Variants in LSM14A observed in about 807,000 individuals in gnomAD.
LSM14A encodes the protein LSM14A mRNA processing body assembly factor, also known as protein LSM14 homolog A.
In LSM14A, 14 loss-of-function variants were observed where a neutral mutation model predicts 52.4. That is an observed-to-expected ratio of 0.27 (90% confidence interval 0.18 to 0.42). The LOEUF is 0.42. LSM14A is among the 10% of genes least tolerant of loss of function. The pLI is 1.00. For missense variants in LSM14A, 417 were observed against 581.8 expected, an observed-to-expected ratio of 0.72 and a Z score of 2.91; for synonymous variants, 185 against 200.3, an observed-to-expected ratio of 0.92 and a Z score of 0.64.
intron 1 of LSM14A, among the ~76,000 whole-genome samples, chr19:34,173,572 C>T (rs1367528854): frequency 6.6e-6 from 1 of 152,182 alleles, no homozygotes; most frequent in Admixed American, 6.5e-5. Context: ...TGCCCCTACC[C>T]ACAGTGTTAA....
chr19:34,182,360 A>C (rs1306318583), intron 1 of LSM14A, among the ~76,000 whole-genome samples: 1 of 152,016 alleles, frequency 6.6e-6, no homozygotes, highest in East Asian at 1.9e-4. Flanking sequence ...TGTTCTTCTA[A>C]TATTCTGGGG....
chr19:34,225,099 T>C (rs1304874801), intron 9 of LSM14A, among the ~76,000 whole-genome samples: 2 of 152,242 alleles, frequency 1.3e-5, no homozygotes, highest in Admixed American at 6.5e-5. Context: ...CTCTTGGCTT[T>C]AGTGAATATG....
intron 3 of LSM14A, among the ~76,000 whole-genome samples, chr19:34,202,130 T>TG (rs1468599391): frequency 2.0e-5 from 3 of 151,500 alleles, no homozygotes; most frequent in Non-Finnish European, 4.4e-5. Context: ...TAGTAAGTTT[T>TG]TTTTTTTTTT....
intron 6 of LSM14A, among the ~76,000 whole-genome samples, chr19:34,216,293 G>T (rs938533623): frequency 6.6e-6 from 1 of 151,400 alleles, no homozygotes; most frequent in African/African-American, 2.4e-5. Context: ...GGCGCCTGTA[G>T]TCCCAGCTAC....
At chr19:34,198,998 A>C (rs2071087178) in intron 3 of LSM14A, among the ~76,000 whole-genome samples, 1 of 151,862 alleles carries the variant, frequency 6.6e-6, no homozygotes, top group Admixed American at 6.6e-5. Context: ...ATAAAACAAC[A>C]AAAAAAACCA....
intron 4 of LSM14A, among the ~76,000 whole-genome samples, chr19:34,210,186 A>G (rs986128234): frequency 5.3e-5 from 8 of 152,228 alleles, no homozygotes; most frequent in Admixed American, 1.3e-4. Flanking sequence ...TAAAAATTCA[A>G]TGCTAAACAT....
chr19:34,200,360 A>C (rs1276291090), intron 3 of LSM14A, among the ~76,000 whole-genome samples: 2 of 152,220 alleles, frequency 1.3e-5, no homozygotes, highest in Non-Finnish European at 2.9e-5. Context: ...AGTTGGTGTG[A>C]AGAACATTTT....
At chr19:34,213,460 C>G (rs912893872) in intron 4 of LSM14A, among the ~76,000 whole-genome samples, 1 of 152,168 alleles carries the variant, frequency 6.6e-6, no homozygotes, top group South Asian at 2.1e-4. Flanking sequence ...ATCCCTGAAT[C>G]ATCTAGGTAC....
chr19:34,176,464 T>G (rs2069095182), intron 1 of LSM14A, among the ~76,000 whole-genome samples: 1 of 152,202 alleles, frequency 6.6e-6, no homozygotes. Flanking sequence ...CCATCACAAC[T>G]ATCACCATCT....
intron 1 of LSM14A, among the ~76,000 whole-genome samples, chr19:34,192,316 G>GTGTTTTTTTTTTTT (rs2070442714): frequency 9.1e-5 from 6 of 65,818 alleles, no homozygotes; most frequent in African/African-American, 3.5e-4. Flanking sequence ...CATTCTTTTT[G>GTGTTTTTTTTTTTT]TTGTTTTTTT....
At chr19:34,218,852 A>C (rs1296606984) in intron 6 of LSM14A, among the ~76,000 whole-genome samples, 4 of 152,216 alleles carry the variant, frequency 2.6e-5, no homozygotes, top group African/African-American at 9.6e-5. Context: ...TTGAGTCAGT[A>C]AGGATTGGTG....
Position 34,215,283 on chromosome 19 carries a change from A to C in LSM14A, c.698A>C (p.Asn233Thr). The C allele has an allele frequency of 6.2e-7, 1 of 1,613,056 alleles. No homozygotes were observed. Among genetic ancestry groups the C allele is most frequent in the Non-Finnish European group, 8.5e-7 (1 of 1,179,670 alleles). ...LPSASQKAGE[N>T]QEHRRAEVHK... ...TCTGCCAGCCAAAAGGCAGGAGAGA[A>C]TCAGGAGCACAGGCGAGGTAGAACT... The change falls in exon 5 of 10, where the codon AAT (asparagine) becomes ACT (threonine). Residue 233 changes from asparagine to threonine, a missense_variant. By Grantham distance (65) the Asn-to-Thr change is moderately conservative (BLOSUM62 0). Around this residue, in one of 2 missense-constraint regions of LSM14A, gnomAD observed 357 missense variants for 457.0 expected, o/e 0.78. Transcript: ENST00000544216.
At chr19:34,193,017 C>T (rs973090234) in intron 1 of LSM14A, among the ~76,000 whole-genome samples, 4 of 152,058 alleles carry the variant, frequency 2.6e-5, no homozygotes, top group Admixed American at 1.3e-4. Context: ...AAGGGGTTTA[C>T]TTCCTTTAGG....
At position 34,227,643 on chromosome 19, in the gene LSM14A, T is replaced by C. The variant is rs780926735; in HGVS notation, c.*255T>C. ...AGAAGGTTAAGTAATTTCTTATGTA[T>C]AGTTAAACTAAAGCAGTACTTCAGT... On this transcript the variant is annotated 3_prime_UTR_variant, in exon 10 of 10. Transcript: ENST00000544216. 12 of 403,728 alleles carry C rather than the reference T, an allele frequency of 3.0e-5. No homozygotes were observed. The highest frequency in any genetic ancestry group is 5.2e-5 in the Non-Finnish European group (12 of 229,220). The allele number at this position is 403,728 out of a possible 1,614,324, so 25.0% of individuals were successfully genotyped here. A position where few individuals can be genotyped will look rare whatever the true frequency, so the allele number is the denominator to read the frequency against.
intron 4 of LSM14A, among the ~76,000 whole-genome samples, chr19:34,212,185 T>C (rs151214935): frequency 1.3e-5 from 2 of 152,142 alleles, no homozygotes; most frequent in African/African-American, 4.8e-5. Flanking sequence ...AAATTAAAAA[T>C]TAGTTGGGCG....
chr19:34,193,552 A>T (rs2070622355), intron 1 of LSM14A, among the ~76,000 whole-genome samples: 1 of 152,196 alleles, frequency 6.6e-6, no homozygotes, highest in Admixed American at 6.5e-5. Flanking sequence ...ACTGTGTTGC[A>T]GGTGGTCCCC....
intron 1 of LSM14A, among the ~76,000 whole-genome samples, chr19:34,176,893 T>C (rs867813362): frequency 6.6e-6 from 1 of 152,224 alleles, no homozygotes; most frequent in Non-Finnish European, 1.5e-5. Flanking sequence ...CTTCATTTAT[T>C]AGTATGTAAG....
chr19:34,215,476 T>C, intron 5 of LSM14A, 120 bp from the exon 6 acceptor site: 2 of 1,095,964 alleles, frequency 1.8e-6, no homozygotes, highest in Non-Finnish European at 2.7e-6. Context: ...GTATAGTTTT[T>C]TGGGCATTGC....
At chr19:34,184,610 A>C (rs1012889547) in intron 1 of LSM14A, among the ~76,000 whole-genome samples, 3 of 152,046 alleles carry the variant, frequency 2.0e-5, no homozygotes, top group Admixed American at 6.6e-5. Context: ...GATGTCTTTA[A>C]TTTTCCAAGA....
Sources: allele counts gnomAD v4.1 joint callset (sites outside exome capture counted in the v4.1 genomes callset), GRCh38; gene constraint gnomAD v4.1.1; regional missense constraint gnomAD v4.1.1; transcripts MANE v1.5; gene names NCBI Gene and HGNC (gene_info 2026-07-23, HGNC 2026-07-21).